Variants in NTN1 observed in about 807,000 individuals in gnomAD.
NTN1 encodes the protein netrin 1.
In NTN1, 11 loss-of-function variants were observed where a neutral mutation model predicts 54.2. The observed-to-expected ratio is 0.20, with a 90% CI of 0.13 to 0.34. NTN1 has a LOEUF of 0.34. NTN1 is among the 10% of genes least tolerant of loss of function. The pLI is 1.00. For synonymous variants in NTN1, 371 were observed against 382.0 expected (o/e 0.97, Z 0.33); for missense variants, 740 against 893.1 (o/e 0.83, Z 2.18).
At chr17:9,056,095 T>A (rs2091978545) in intron 2 of NTN1, among the ~76,000 whole-genome samples, 1 of 152,130 alleles carries the variant, frequency 6.6e-6, no homozygotes, top group Non-Finnish European at 1.5e-5. Flanking sequence ...TCCCTCTTGT[T>A]GCCCAGGCTG....
intron 2 of NTN1, among the ~76,000 whole-genome samples, chr17:9,038,688 A>G (rs572517243): frequency 2.6e-5 from 4 of 152,188 alleles, no homozygotes; most frequent in African/African-American, 9.6e-5. Flanking sequence ...CACACACCTC[A>G]TGATCACTGG....
rs1158704412 is a variant in NTN1 at position 9,240,385 on chromosome 17, G to GACGT, written c.*418_*421dup. Reference sequence around the variant, plus strand: ...AGGCGCGGGGCGTGGATGGCGCGGAGACGTGGACGGGAGGAGAACTGTGAA... The same window carrying GACGT: ...AGGCGCGGGGCGTGGATGGCGCGGAGACGTACGTGGACGGGAGGAGAACTGTGAA... On this transcript the variant is annotated 3_prime_UTR_variant, in exon 7 of 7. Transcript: ENST00000173229. 1 of 152,286 alleles carries GACGT rather than the reference G, an allele frequency of 6.6e-6. No homozygotes were observed. The highest frequency in any genetic ancestry group is 1.9e-4 in the East Asian group (1 of 5,182). The allele number at this position is 152,286 out of a possible 1,614,324, so 9.4% of individuals were successfully genotyped here.
chr17:9,075,524 A>T (rs9914641), intron 2 of NTN1, among the ~76,000 whole-genome samples: 15,640 of 152,168 alleles, frequency 0.1, 873 homozygotes, highest in Non-Finnish European at 0.11. Context: ...AATAAATAAA[A>T]AAAACTTAAA....
intron 2 of NTN1, among the ~76,000 whole-genome samples, chr17:9,063,108 T>C (rs2092004023): frequency 6.6e-6 from 1 of 152,116 alleles, no homozygotes; most frequent in South Asian, 2.1e-4. Context: ...ATGACTTTTT[T>C]TTTTTTTGAC....
chr17:9,199,111 G>GT (rs753690965), intron 5 of NTN1, among the ~76,000 whole-genome samples: 9 of 152,200 alleles, frequency 5.9e-5, no homozygotes, highest in Non-Finnish European at 1.3e-4. Context: ...AGCTCAGATA[G>GT]TATAGTCCAG....
At chr17:9,050,813 A>G (rs1219193533) in intron 2 of NTN1, among the ~76,000 whole-genome samples, 1 of 152,176 alleles carries the variant, frequency 6.6e-6, no homozygotes, top group Non-Finnish European at 1.5e-5. Flanking sequence ...AGGGTAAATG[A>G]AATGATGTAT....
At chr17:9,225,197 G>T (rs372207822) in intron 6 of NTN1, among the ~76,000 whole-genome samples, 2 of 152,090 alleles carry the variant, frequency 1.3e-5, no homozygotes, top group South Asian at 2.1e-4. Flanking sequence ...GGAGGTTGCA[G>T]TGAGCTGAGA....
intron 2 of NTN1, 53 bp downstream of exon 2, chr17:9,023,444 C>A (rs1403615962): frequency 7.5e-7 from 1 of 1,337,928 alleles, no homozygotes; most frequent in Non-Finnish European, 9.5e-7. Context: ...CGGGCGGGAG[C>A]TGCTGGGCCT....
intron 6 of NTN1, among the ~76,000 whole-genome samples, chr17:9,238,054 G>A (rs371431910): frequency 1.4e-4 from 21 of 152,282 alleles, no homozygotes; most frequent in Non-Finnish European, 1.0e-4. Flanking sequence ...TCCTGCACTC[G>A]GCTGTCCCTG....
chr17:9,074,647 C>T (rs1004474721), intron 2 of NTN1, among the ~76,000 whole-genome samples: 2 of 152,194 alleles, frequency 1.3e-5, no homozygotes, highest in Non-Finnish European at 2.9e-5. Flanking sequence ...CCTGGAGGGC[C>T]CTTTTACCAG....
intron 2 of NTN1, among the ~76,000 whole-genome samples, chr17:9,110,018 T>G: frequency 6.6e-6 from 1 of 152,226 alleles, no homozygotes; most frequent in East Asian, 1.9e-4. Flanking sequence ...TACAAGTCCT[T>G]TGTTGTACAT....
intron 4 of NTN1, among the ~76,000 whole-genome samples, chr17:9,180,321 G>T (rs2092414999): frequency 1.3e-5 from 2 of 152,238 alleles, no homozygotes; most frequent in Non-Finnish European, 1.5e-5. Context: ...TTAGAGGCAT[G>T]AGCCACCGCG....
At chr17:9,172,600 A>G (rs1157090875) in intron 3 of NTN1, among the ~76,000 whole-genome samples, 1 of 152,250 alleles carries the variant, frequency 6.6e-6, no homozygotes, top group Non-Finnish European at 1.5e-5. Flanking sequence ...TTCAACAACA[A>G]GGAAACAAAC....
At chr17:9,120,422 A>C (rs1260729801) in intron 2 of NTN1, among the ~76,000 whole-genome samples, 2 of 152,210 alleles carry the variant, frequency 1.3e-5, no homozygotes, top group East Asian at 3.8e-4. Context: ...GGGGCCCTGC[A>C]TAAATGTCCA....
intron 2 of NTN1, among the ~76,000 whole-genome samples, chr17:9,113,804 C>CA (rs1264547846): frequency 3.3e-5 from 5 of 151,716 alleles, no homozygotes; most frequent in African/African-American, 7.3e-5. Context: ...TTTATAACAG[C>CA]AAAAAAAGAT....
At chr17:9,235,999 G>T (rs984297033) in intron 6 of NTN1, among the ~76,000 whole-genome samples, 1 of 151,996 alleles carries the variant, frequency 6.6e-6, no homozygotes, top group Non-Finnish European at 1.5e-5. Flanking sequence ...CACCATGCCC[G>T]GTCAGCCTCT....
Position 9,239,729 on chromosome 17 carries a change from A to G in NTN1, c.1576A>G (p.Ser526Gly). 6.2e-7 allele frequency: 1 copy of G among 1,613,630 alleles called. No individual in the cohort carries two copies. Among genetic ancestry groups the G allele is most frequent in the Non-Finnish European group, 8.5e-7 (1 of 1,180,016 alleles). The change falls in exon 7 of 7, where the codon AGC (serine) becomes GGC (glycine). Residue 526 changes from serine (S) to glycine (G), a missense_variant. Ser to Gly is a moderately conservative substitution (Grantham distance 56, BLOSUM62 0). Coordinates refer to ENST00000173229, the MANE Select transcript of NTN1 (RefSeq NM_004822.3). This position sits in a 1 kb window ranked among gnomAD's most constrained non-coding sequence, Gnocchi z 5.2. ...CATCTCCGTGTATAAGCAGGGCACG[A>G]GCCGCATCCGCCGCGGTGACCAGAG... ...NIISVYKQGT[S>G]RIRRGDQSLW...
At chr17:9,137,591 G>A (rs542659370) in intron 2 of NTN1, among the ~76,000 whole-genome samples, 423 of 152,220 alleles carry the variant, frequency 2.8e-3, no homozygotes, top group Non-Finnish European at 3.6e-3. Flanking sequence ...TCAGGAGTTC[G>A]AGACCAGCCT....
intron 2 of NTN1, among the ~76,000 whole-genome samples, chr17:9,043,888 T>TA (rs1453419672): frequency 1.3e-5 from 2 of 152,116 alleles, no homozygotes; most frequent in Admixed American, 6.5e-5. Context: ...CATCATCTTG[T>TA]AATTCTCTTA....
Sources: allele counts gnomAD v4.1 joint callset (sites outside exome capture counted in the v4.1 genomes callset), GRCh38; gene constraint gnomAD v4.1.1; non-coding constraint Gnocchi (gnomAD v3.1); transcripts MANE v1.5; gene names NCBI Gene and HGNC (gene_info 2026-07-23, HGNC 2026-07-21).